Variants in PRKG1 observed in about 807,000 individuals in gnomAD.
PRKG1 encodes the protein cGMP-dependent protein kinase 1.
PRKG1 carries 35 observed loss-of-function variants against 88.1 expected under a neutral mutation model. That is an observed-to-expected ratio of 0.40 (90% confidence interval 0.30 to 0.53). The LOEUF is 0.53. PRKG1 is among the 20% of genes least tolerant of loss of function. The probability of loss-of-function intolerance (pLI) is 0.59; values close to 1 mark genes in which losing one functional copy is unlikely to be tolerated. For synonymous variants in PRKG1, 303 were observed against 292.5 expected (o/e 1.04, Z -0.37); for missense variants, 540 against 839.8 (o/e 0.64, Z 4.41).
rs117714860 is a variant in PRKG1, at chr10:51,278,359, T to A, written c.478+125029T>A. Among the ~76,000 whole-genome samples the A allele has an allele frequency of 3.9e-3, 601 of 152,322 alleles. 8 individuals are homozygous for A. Among genetic ancestry groups the A allele is most frequent in the Admixed American group, 0.029 (444 of 15,300 alleles). ...TGTGTTGCTGGATTCAGTTTGCCCG[T>A]ATTCTGTTGAGGATTTTTGCATCAG... On this transcript the variant is annotated intron_variant, in intron 2 of 17. Transcript: ENST00000373980.
intron 2 of PRKG1, among the ~76,000 whole-genome samples, chr10:51,421,651 A>G (rs986658551): frequency 2.6e-5 from 4 of 152,118 alleles, no homozygotes; most frequent in African/African-American, 9.7e-5. Context: ...TCTCCTGCAC[A>G]CTTGCTTTGG....
intron 3 of PRKG1, among the ~76,000 whole-genome samples, chr10:51,760,098 A>G (rs1262795250): frequency 6.6e-6 from 1 of 152,192 alleles, no homozygotes; most frequent in Non-Finnish European, 1.5e-5. Flanking sequence ...CAGTCTAAAA[A>G]TGACTAATCT....
At chr10:51,925,913 T>C (rs539889690) in intron 5 of PRKG1, among the ~76,000 whole-genome samples, 113 of 152,310 alleles carry the variant, frequency 7.4e-4, no homozygotes, top group Admixed American at 1.4e-3. Flanking sequence ...TACAAGCTCT[T>C]TATATATCAG....
intron 7 of PRKG1, among the ~76,000 whole-genome samples, chr10:52,093,784 C>T (rs1847111277): frequency 6.6e-6 from 1 of 152,024 alleles, no homozygotes; most frequent in Admixed American, 6.6e-5. Flanking sequence ...CCTAAGAAAC[C>T]CAACTGTTAT....
intron 4 of PRKG1, among the ~76,000 whole-genome samples, chr10:51,859,298 A>T (rs970257051): frequency 1.8e-4 from 27 of 152,102 alleles, no homozygotes; most frequent in African/African-American, 6.5e-4. Flanking sequence ...GTGCTAAGGT[A>T]TTAAACTCAG....
intron 1 of PRKG1, among the ~76,000 whole-genome samples, chr10:51,109,703 A>G (rs1844936326): frequency 6.6e-6 from 1 of 152,152 alleles, no homozygotes; most frequent in East Asian, 1.9e-4. Context: ...GAGCAGGCAA[A>G]TATTTCTTAT....
intron 2 of PRKG1, among the ~76,000 whole-genome samples, chr10:51,266,780 A>G (rs991906358): frequency 6.6e-6 from 1 of 152,182 alleles, no homozygotes; most frequent in African/African-American, 2.4e-5. Flanking sequence ...TGTGTCATTG[A>G]CATCTTATTT....
At chr10:51,111,962 G>A (rs2131898172) in intron 1 of PRKG1, among the ~76,000 whole-genome samples, 1 of 152,226 alleles carries the variant, frequency 6.6e-6, no homozygotes, top group African/African-American at 2.4e-5. Flanking sequence ...ATGCTACTAT[G>A]CACCACCTAC....
intron 2 of PRKG1, among the ~76,000 whole-genome samples, chr10:51,366,957 C>A (rs995307612): frequency 1.3e-5 from 2 of 151,878 alleles, no homozygotes; most frequent in Admixed American, 1.3e-4. Context: ...GTGTTGTAAT[C>A]CAGGTGTCTT....
At chr10:51,224,399 A>G (rs776690229) in intron 2 of PRKG1, among the ~76,000 whole-genome samples, 3 of 152,208 alleles carry the variant, frequency 2.0e-5, no homozygotes, top group Non-Finnish European at 4.4e-5. Flanking sequence ...TATTCTCTTT[A>G]ATAAGAAGTT....
intron 1 of PRKG1, among the ~76,000 whole-genome samples, chr10:50,992,202 G>A (rs1356946908): frequency 6.6e-6 from 1 of 152,074 alleles, no homozygotes; most frequent in East Asian, 1.9e-4. Context: ...GCGGGGACAG[G>A]GAGAGGCGGG....
At chr10:51,459,318 TC>T (rs1253924993) in intron 2 of PRKG1, among the ~76,000 whole-genome samples, 2 of 152,136 alleles carry the variant, frequency 1.3e-5, no homozygotes, top group Admixed American at 6.5e-5. Context: ...ATATTAGACA[TC>T]CTTTTTACCA....
At chr10:52,073,918 G>T (rs1564457468) in intron 7 of PRKG1, among the ~76,000 whole-genome samples, 1 of 152,072 alleles carries the variant, frequency 6.6e-6, no homozygotes, top group African/African-American at 2.4e-5. Context: ...TTAGCATTTG[G>T]ACTAGACTAC....
chr10:51,438,199 C>CAA (rs557801971), intron 2 of PRKG1, among the ~76,000 whole-genome samples: 2,517 of 148,544 alleles, frequency 0.017, 29 homozygotes, highest in Non-Finnish European at 0.025. Flanking sequence ...TTAGACTTAC[C>CAA]AAAAAAAAAA....
chr10:51,401,601 T>C (rs1837741604), intron 2 of PRKG1, among the ~76,000 whole-genome samples: 1 of 152,224 alleles, frequency 6.6e-6, no homozygotes. Flanking sequence ...TTTAAGTTTG[T>C]TTGTTTGTTT....
chr10:52,052,559 G>GA lies in PRKG1; in HGVS notation c.763-1920dup, dbSNP rs992499390. The stretch of plus-strand genomic sequence containing the variant: ...TCCCTAAGACTGGGTAACTTAGAAA[G>GA]AAAAAGGTTTAATGGACTCAACATT... On this transcript the variant is annotated intron_variant, in intron 5 of 17. Coordinates refer to ENST00000373980, the MANE Select transcript of PRKG1 (RefSeq NM_006258.4). Among the ~76,000 whole-genome samples, 3 of 151,996 alleles carry GA rather than the reference G, an allele frequency of 2.0e-5. No homozygotes were observed. The South Asian group carries it at 6.2e-4, about 32-fold the overall frequency.
chr10:51,249,083 A>G (rs539618384), intron 2 of PRKG1, among the ~76,000 whole-genome samples: 2 of 151,878 alleles, frequency 1.3e-5, no homozygotes, highest in South Asian at 2.1e-4. Context: ...TAAAAACATG[A>G]TAAATTTTTT....
intron 2 of PRKG1, among the ~76,000 whole-genome samples, chr10:51,281,233 A>T (rs950244676): frequency 6.6e-6 from 1 of 152,154 alleles, no homozygotes; most frequent in African/African-American, 2.4e-5. Flanking sequence ...GCTTCATCTC[A>T]GAGGGGTACC....
intron 1 of PRKG1, among the ~76,000 whole-genome samples, chr10:51,003,859 A>G (rs1842914249): frequency 6.6e-6 from 1 of 152,166 alleles, no homozygotes; most frequent in African/African-American, 2.4e-5. Flanking sequence ...TTGCTTAATA[A>G]TAGTACCTAG....
Sources: allele counts gnomAD v4.1 joint callset (sites outside exome capture counted in the v4.1 genomes callset), GRCh38; gene constraint gnomAD v4.1.1; transcripts MANE v1.5; gene names NCBI Gene and HGNC (gene_info 2026-07-23, HGNC 2026-07-21).